Variants in PARVA observed in about 807,000 individuals in gnomAD.
PARVA encodes parvin alpha.
A neutral mutation model predicts 52.6 loss-of-function variants in PARVA; 25 were observed. The ratio of observed to expected loss-of-function variants is 0.48; its 90% confidence interval spans 0.35 to 0.66. The LOEUF (loss-of-function observed/expected upper bound fraction) is 0.66. PARVA is among the 30% of genes least tolerant of loss of function. The pLI, the probability that PARVA is intolerant of heterozygous loss-of-function variation, is 0.01. For missense variants in PARVA, 373 were observed against 450.9 expected, an observed-to-expected ratio of 0.83 and a Z score of 1.56; for synonymous variants, 185 against 179.1, an observed-to-expected ratio of 1.03 and a Z score of -0.26.
chr11:12,474,078 G>A, intron 3 of PARVA, 95 bp downstream of exon 3: 1 of 974,414 alleles, frequency 1.0e-6, no homozygotes, highest in East Asian at 2.6e-5. Flanking sequence ...GAGCCCCTGA[G>A]AGAAGGTAAA....
intron 7 of PARVA, among the ~76,000 whole-genome samples, chr11:12,509,130 A>C: frequency 1.4e-5 from 2 of 147,186 alleles, no homozygotes; most frequent in Admixed American, 6.9e-5. Flanking sequence ...AGAACCTATC[A>C]AAATTTTGCC....
chr11:12,390,243 T>A (rs1037175030), intron 1 of PARVA, among the ~76,000 whole-genome samples: 3 of 152,200 alleles, frequency 2.0e-5, no homozygotes, highest in African/African-American at 7.2e-5. Context: ...CTGAAAGCAT[T>A]TTCTGTCTTG....
At chr11:12,443,265 G>A (rs952840261) in intron 1 of PARVA, among the ~76,000 whole-genome samples, 5 of 142,830 alleles carry the variant, frequency 3.5e-5, no homozygotes, top group Admixed American at 1.5e-4. Flanking sequence ...TTCGCATCCC[G>A]GGTTGAAGCG....
chr11:12,457,100 T>C (rs1940707713), intron 1 of PARVA, among the ~76,000 whole-genome samples: 1 of 152,224 alleles, frequency 6.6e-6, no homozygotes, highest in African/African-American at 2.4e-5. Context: ...TCTCATCACA[T>C]TGCCTTGCCC....
intron 4 of PARVA, among the ~76,000 whole-genome samples, chr11:12,481,170 G>T (rs1941081418): frequency 6.6e-6 from 1 of 152,136 alleles, no homozygotes; most frequent in South Asian, 2.1e-4. Flanking sequence ...CATTTAGAAT[G>T]CATCTGCCGC....
intron 10 of PARVA, among the ~76,000 whole-genome samples, chr11:12,516,161 G>A (rs911911725): frequency 2.0e-5 from 3 of 152,338 alleles, no homozygotes; most frequent in Non-Finnish European, 2.9e-5. Context: ...TAAGGCAAGC[G>A]CAAGCTCAGG....
intron 3 of PARVA, among the ~76,000 whole-genome samples, chr11:12,475,566 G>C (rs1941001139): frequency 6.6e-6 from 1 of 152,206 alleles, no homozygotes; most frequent in Non-Finnish European, 1.5e-5. Context: ...GAATGGGTAG[G>C]AATTTCAAAG....
At position 12,528,395 on chromosome 11, in the gene PARVA, T is replaced by C. The variant is rs549595755; in HGVS notation, c.*470T>C. ...CTTTTACAGATGAGGAAACTAAGGC[T>C]TGGAGGTTAAATGACTTGCCAGAAG... On this transcript the variant is annotated 3_prime_UTR_variant, in exon 13 of 13. Coordinates refer to ENST00000334956, the MANE Select transcript of PARVA (RefSeq NM_018222.5). 4.6e-4 allele frequency: 72 copies of C among 158,030 alleles called. No individual in the cohort carries two copies. The highest frequency in any genetic ancestry group is 1.6e-3 in the African/African-American group (68 of 41,798). 9.8% of individuals were successfully genotyped at this position (158,030 alleles called of 1,614,324 possible). A position where few individuals can be genotyped will look rare whatever the true frequency, so the allele number is the denominator to read the frequency against.
At chr11:12,486,156 A>G (rs1385922179) in intron 4 of PARVA, among the ~76,000 whole-genome samples, 1 of 152,196 alleles carries the variant, frequency 6.6e-6, no homozygotes, top group Non-Finnish European at 1.5e-5. Flanking sequence ...AGGAGGGGAA[A>G]CTGAGTTCGG....
At position 12,533,630 on chromosome 11, in the gene PARVA, A is replaced by G. The variant is rs1941799114; in HGVS notation, c.*5705A>G. On this transcript the variant is annotated 3_prime_UTR_variant, in exon 13 of 13. Coordinates refer to ENST00000334956, the MANE Select transcript of PARVA (RefSeq NM_018222.5). The stretch of plus-strand genomic sequence containing the variant: ...TATAATACTAATAGCCTTACTGAAC[A>G]CGGTCAATTAACACATAGCTAGTAT... Among the ~76,000 whole-genome samples, 1 of 152,186 alleles carries G rather than the reference A, an allele frequency of 6.6e-6. No individual in the cohort carries two copies. The highest frequency in any genetic ancestry group is 2.1e-4 in the South Asian group (1 of 4,826).
chr11:12,526,667 C>A (rs539651082), intron 12 of PARVA, among the ~76,000 whole-genome samples: 2 of 152,334 alleles, frequency 1.3e-5, no homozygotes, highest in African/African-American at 4.8e-5. Context: ...CTAAAGGTAA[C>A]CACTATTCTG....
chr11:12,508,160 T>G (rs4756903), intron 6 of PARVA, among the ~76,000 whole-genome samples: 144,149 of 148,890 alleles, frequency 0.97, 69,967 homozygotes, highest in East Asian at 1. Flanking sequence ...TCTGAATTCC[T>G]AGTTGGCCTC....
At chr11:12,457,993 CTG>C (rs1392220025) in intron 1 of PARVA, among the ~76,000 whole-genome samples, 1 of 152,196 alleles carries the variant, frequency 6.6e-6, no homozygotes, top group African/African-American at 2.4e-5. Flanking sequence ...TCATGTGTGA[CTG>C]TGAGCTCCTG....
chr11:12,456,223 G>A (rs1940692070), intron 1 of PARVA, among the ~76,000 whole-genome samples: 1 of 152,216 alleles, frequency 6.6e-6, no homozygotes, highest in South Asian at 2.1e-4. Context: ...CCAAGAGTTA[G>A]AGGATGCTTA....
intron 1 of PARVA, among the ~76,000 whole-genome samples, chr11:12,387,554 C>CGTGT (rs10642760): frequency 0.02 from 3,053 of 149,194 alleles, 92 homozygotes; most frequent in African/African-American, 0.062. Context: ...TATTTTTGAG[C>CGTGT]GTGTGTGTGT....
Position 12,474,087 on chromosome 11 carries a change from A to G in PARVA, c.297+104A>G. 3 of 888,248 alleles carry G rather than the reference A, an allele frequency of 3.4e-6. No homozygotes were observed. The South Asian group carries it at 4.3e-5, about 13-fold the overall frequency. 55.0% of individuals were successfully genotyped at this position (888,248 alleles called of 1,614,324 possible). On this transcript the variant is annotated intron_variant, in intron 3 of 12. Transcript: ENST00000334956. ...CCCCACGAGCCCCTGAGAGAAGGTA[A>G]AAAGTCATGGCAGCCCCTGCCTCAG...
chr11:12,486,483 A>C (rs112288314), intron 4 of PARVA, among the ~76,000 whole-genome samples: 2,372 of 152,194 alleles, frequency 0.016, 24 homozygotes, highest in Non-Finnish European at 0.024. Flanking sequence ...CAGTGAGCCG[A>C]GATCACATCA....
chr11:12,385,843 C>T (rs1162338606), intron 1 of PARVA, among the ~76,000 whole-genome samples: 1 of 152,154 alleles, frequency 6.6e-6, no homozygotes, highest in Non-Finnish European at 1.5e-5. Context: ...CCATTCTTAG[C>T]ACTTGGGCTG....
chr11:12,533,731 A>G lies in PARVA; in HGVS notation c.*5806A>G, dbSNP rs1461067646. ...AATGTTACTAAGAAAAACATAAGCAAGAGAAAATATATTTACTATTAAGTG... is the reference window on the plus strand; with the variant it reads ...AATGTTACTAAGAAAAACATAAGCAGGAGAAAATATATTTACTATTAAGTG... On this transcript the variant is annotated 3_prime_UTR_variant, in exon 13 of 13. Transcript: ENST00000334956. 6.6e-6 allele frequency among the ~76,000 whole-genome samples: 1 copy of G among 152,218 alleles called. No homozygotes were observed. The highest frequency in any genetic ancestry group is 1.5e-5 in the Non-Finnish European group (1 of 68,034).
Sources: allele counts gnomAD v4.1 joint callset (sites outside exome capture counted in the v4.1 genomes callset), GRCh38; gene constraint gnomAD v4.1.1; transcripts MANE v1.5; gene names NCBI Gene and HGNC (gene_info 2026-07-23, HGNC 2026-07-21).